The following GRID2 variants were observed in gnomAD, a reference collection of about 807,000 sequenced individuals.
The protein encoded by GRID2 is glutamate receptor ionotropic, delta-2.
In GRID2, 33 loss-of-function variants were observed where a neutral mutation model predicts 114.8. That is an observed-to-expected ratio of 0.29 (90% CI 0.22 to 0.38). GRID2 has a LOEUF of 0.38. Among genes scored for constraint, GRID2 ranks in the 10% least tolerant of loss-of-function variants. GRID2 has a pLI of 1.00. For missense variants in GRID2, 1,184 were observed against 1,257.7 expected (o/e 0.94, Z 0.89); for synonymous variants, 505 against 449.9 (o/e 1.12, Z -1.55).
intron 2 of GRID2, among the ~76,000 whole-genome samples, chr4:93,051,102 AG>A (rs1726667799): frequency 6.6e-6 from 1 of 152,060 alleles, no homozygotes; most frequent in African/African-American, 2.4e-5. Context: ...TCAATGTTTG[AG>A]GATCTTAATT....
In GRID2 at chr4:92,717,161, A is replaced by T. The variant is rs113355903; in HGVS notation, c.244+126875A>T. On this transcript the variant is annotated intron_variant, in intron 2 of 15. Coordinates refer to ENST00000282020, the MANE Select transcript of GRID2 (RefSeq NM_001510.4). ...AGAGGCAGAGGCAGAACAACAACCT[A>T]TCTCCATTCTTCTTTATGGACACTT... Among the ~76,000 whole-genome samples, 462 of 152,244 alleles carry T rather than the reference A, an allele frequency of 3.0e-3. 2 individuals carry two copies. Among genetic ancestry groups the T allele is most frequent in the African/African-American group, 0.011 (440 of 41,556 alleles).
At chr4:93,344,246 A>G (rs550683283) in intron 8 of GRID2, among the ~76,000 whole-genome samples, 1 of 152,178 alleles carries the variant, frequency 6.6e-6, no homozygotes, top group East Asian at 1.9e-4. Flanking sequence ...GGGTATTTAT[A>G]TACCTAATTT....
chr4:93,429,334 C>G (rs999398778), intron 10 of GRID2, among the ~76,000 whole-genome samples: 1 of 152,164 alleles, frequency 6.6e-6, no homozygotes, highest in Non-Finnish European at 1.5e-5. Flanking sequence ...ATGATCAGTA[C>G]TGTCTGCAAA....
intron 2 of GRID2, among the ~76,000 whole-genome samples, chr4:93,035,226 C>T (rs1327323041): frequency 1.3e-5 from 2 of 151,962 alleles, no homozygotes; most frequent in Non-Finnish European, 2.9e-5. Context: ...CTATCACAGC[C>T]TCCCAAGTAG....
At chr4:93,783,735 C>T (rs112127994) in intron 1 of GRID2, among the ~76,000 whole-genome samples, 338 of 152,262 alleles carry the variant, frequency 2.2e-3, no homozygotes, top group African/African-American at 7.0e-3. Flanking sequence ...CCTTTCCAGT[C>T]TTCTCCCCTC....
intron 8 of GRID2, among the ~76,000 whole-genome samples, chr4:93,295,973 C>G (rs1325167108): frequency 6.6e-6 from 1 of 152,140 alleles, no homozygotes; most frequent in Non-Finnish European, 1.5e-5. Context: ...TGGAATAGAG[C>G]TGTATTTGTT....
intron 2 of GRID2, among the ~76,000 whole-genome samples, chr4:92,987,527 G>GTATATAT (rs1754583020): frequency 6.6e-6 from 1 of 151,610 alleles, no homozygotes; most frequent in Non-Finnish European, 1.5e-5. Flanking sequence ...ACACCAACAT[G>GTATATAT]GCACATGTAT....
intron 12 of GRID2, among the ~76,000 whole-genome samples, chr4:93,494,689 A>C (rs554958405): frequency 6.6e-6 from 1 of 151,898 alleles, no homozygotes; most frequent in South Asian, 2.1e-4. Flanking sequence ...GACACAGTTC[A>C]GTTCTTAAAG....
intron 2 of GRID2, among the ~76,000 whole-genome samples, chr4:92,628,222 T>C (rs1730617088): frequency 6.6e-6 from 1 of 152,148 alleles, no homozygotes; most frequent in Non-Finnish European, 1.5e-5. Flanking sequence ...TTCCTTCTGG[T>C]GTCCATGATC....
intron 2 of GRID2, among the ~76,000 whole-genome samples, chr4:92,954,532 T>G (rs576382582): frequency 6.6e-6 from 1 of 152,010 alleles, no homozygotes; most frequent in South Asian, 2.1e-4. Context: ...GTTCGCGCCA[T>G]TCTCCTGCCT....
chr4:93,762,131 G>C lies in GRID2; in HGVS notation c.2361-7079G>C, dbSNP rs1355651775. Among the ~76,000 whole-genome samples, 8 of 152,200 alleles carry C rather than the reference G, an allele frequency of 5.3e-5. No individual in the cohort carries two copies. The Middle Eastern group carries it at 0.014, about 261-fold the overall frequency. ...ATACTTTCTCAGTAACCATGGAGAG[G>C]AAAATTTTGTGAAAACCCAGAAAAT... On this transcript the variant is annotated intron_variant, in intron 14 of 15. Transcript: ENST00000282020.
intron 2 of GRID2, among the ~76,000 whole-genome samples, chr4:92,630,192 C>T (rs1730733234): frequency 6.6e-6 from 1 of 152,038 alleles, no homozygotes; most frequent in Non-Finnish European, 1.5e-5. Flanking sequence ...TAGCCGTTAT[C>T]TACTGCTCTG....
intron 2 of GRID2, among the ~76,000 whole-genome samples, chr4:93,011,742 A>C (rs1225657291): frequency 6.6e-6 from 1 of 152,100 alleles, no homozygotes; most frequent in Non-Finnish European, 1.5e-5. Context: ...GAGCTTTGAG[A>C]CTGGGAGATG....
At chr4:93,166,547 G>T (rs1040540483) in intron 4 of GRID2, among the ~76,000 whole-genome samples, 2 of 152,178 alleles carry the variant, frequency 1.3e-5, no homozygotes, top group East Asian at 3.9e-4. Flanking sequence ...TATCGGTAAG[G>T]CATGGCCATC....
At chr4:92,351,908 AAGGACACTT>A (rs1579223665) in intron 1 of GRID2, among the ~76,000 whole-genome samples, 1 of 151,910 alleles carries the variant, frequency 6.6e-6, no homozygotes, top group African/African-American at 2.4e-5. Flanking sequence ...TCATTTGTTC[AAGGACACTT>A]AGGTTGATTC....
At chr4:93,212,183 T>C (rs950978198) in intron 5 of GRID2, among the ~76,000 whole-genome samples, 1 of 152,166 alleles carries the variant, frequency 6.6e-6, no homozygotes, top group Non-Finnish European at 1.5e-5. Context: ...TGAATCTGTC[T>C]AGTTTTGTTT....
intron 2 of GRID2, chr4:92,822,473 A>G: frequency 2.2e-6 from 1 of 452,590 alleles, no homozygotes; most frequent in Admixed American, 2.6e-5. Flanking sequence ...TGGACATAAG[A>G]CACCTACTCT....
chr4:92,742,771 A>G (rs1273146835), intron 2 of GRID2, among the ~76,000 whole-genome samples: 1 of 152,172 alleles, frequency 6.6e-6, no homozygotes, highest in Non-Finnish European at 1.5e-5. Flanking sequence ...TTTCTTTTTC[A>G]TTAAGAAAAT....
At position 93,672,589 on chromosome 4, in the gene GRID2, G is replaced by A. The variant is rs111855363; in HGVS notation, c.2360+46154G>A. On this transcript the variant is annotated intron_variant, in intron 14 of 15. Coordinates refer to ENST00000282020, the MANE Select transcript of GRID2 (RefSeq NM_001510.4). ...CACATTTGCCATCATTGATCATTCT[G>A]TGCAATTATAATTTATTCCCACAAT... 3.0e-3 allele frequency among the ~76,000 whole-genome samples: 463 copies of A among 152,282 alleles called. 2 individuals are homozygous for A. Among genetic ancestry groups the A allele is most frequent in the African/African-American group, 0.01 (424 of 41,560 alleles).
Sources: allele counts gnomAD v4.1 joint callset (sites outside exome capture counted in the v4.1 genomes callset), GRCh38; gene constraint gnomAD v4.1.1; transcripts MANE v1.5; gene names NCBI Gene and HGNC (gene_info 2026-07-23, HGNC 2026-07-21).